N4BP2L2: variants seen among roughly 807,000 people sequenced by gnomAD.
N4BP2L2 encodes the protein NEDD4-binding protein 2-like 2.
A neutral mutation model predicts 56.2 loss-of-function variants in N4BP2L2; 50 were observed. The ratio of observed to expected loss-of-function variants is 0.89; its 90% CI spans 0.71 to 1.13. The LOEUF (loss-of-function observed/expected upper bound fraction) is 1.13, where lower values mean the gene tolerates loss of function less well. Among genes scored for constraint, N4BP2L2 ranks in the 50% most tolerant of loss-of-function variants. The pLI is 0.00. For missense variants in N4BP2L2, 689 were observed against 693.8 expected (o/e 0.99, Z 0.08); for synonymous variants, 203 against 223.6 (o/e 0.91, Z 0.82).
intron 7 of N4BP2L2, among the ~76,000 whole-genome samples, chr13:32,441,690 C>CATAAATAAATAA (rs199951664): frequency 5.8e-5 from 8 of 137,632 alleles, no homozygotes; most frequent in South Asian, 2.3e-4. Context: ...CTCTCAAAAA[C>CATAAATAAATAA]ATAAATAAAT....
At chr13:32,476,953 C>A (rs771405318) in intron 6 of N4BP2L2, among the ~76,000 whole-genome samples, 1 of 152,166 alleles carries the variant, frequency 6.6e-6, no homozygotes, top group Non-Finnish European at 1.5e-5. Flanking sequence ...GTTACTACTA[C>A]TGATAACTGA....
chr13:32,470,370 C>T (rs1237791854), intron 6 of N4BP2L2, among the ~76,000 whole-genome samples: 1 of 152,142 alleles, frequency 6.6e-6, no homozygotes, highest in Non-Finnish European at 1.5e-5. Flanking sequence ...CCCCTCTTGC[C>T]TGGGATTGGG....
chr13:32,477,403 T>C, intron 6 of N4BP2L2: 1 of 177,942 alleles, frequency 5.6e-6, no homozygotes, highest in Non-Finnish European at 1.2e-5. Flanking sequence ...CATTAATGTA[T>C]TGCAGCAAAT....
chr13:32,478,102 A>G, intron 6 of N4BP2L2: 2 of 1,253,976 alleles, frequency 1.6e-6, no homozygotes, highest in Non-Finnish European at 2.1e-6. Context: ...TGGAATGAAG[A>G]TATGCATTAT....
At chr13:32,478,146 T>C in intron 6 of N4BP2L2, 2 of 992,518 alleles carry the variant, frequency 2.0e-6, no homozygotes. Flanking sequence ...GGCCAGAACA[T>C]TCAATCTCAA....
intron 4 of N4BP2L2, chr13:32,521,843 G>A (rs1051479079): frequency 6.8e-5 from 19 of 281,266 alleles, no homozygotes; most frequent in Non-Finnish European, 1.2e-4. Flanking sequence ...GGGCATGGGG[G>A]CAGGCACCTA....
At chr13:32,450,126 A>T (rs766206086) in intron 6 of N4BP2L2, among the ~76,000 whole-genome samples, 18 of 152,352 alleles carry the variant, frequency 1.2e-4, no homozygotes, top group East Asian at 3.9e-4. Context: ...TAATATCTAT[A>T]GAAATTAACT....
chr13:32,440,718 C>A (rs1279465728), intron 7 of N4BP2L2, among the ~76,000 whole-genome samples: 2 of 152,076 alleles, frequency 1.3e-5, no homozygotes, highest in East Asian at 3.9e-4. Context: ...CTGCCTCAGC[C>A]TCCCAAAGTG....
intron 6 of N4BP2L2, among the ~76,000 whole-genome samples, chr13:32,447,115 T>A (rs745635015): frequency 6.6e-6 from 1 of 152,244 alleles, no homozygotes; most frequent in Non-Finnish European, 1.5e-5. Context: ...AAACAGAAGA[T>A]ACTCAGCTGG....
intron 6 of N4BP2L2, among the ~76,000 whole-genome samples, chr13:32,467,767 A>C (rs1467179173): frequency 1.3e-5 from 2 of 151,388 alleles, no homozygotes; most frequent in East Asian, 4.0e-4. Context: ...GGCTGGTGGA[A>C]TCACCTGAGG....
intron 1 of N4BP2L2, among the ~76,000 whole-genome samples, 190 bp downstream of exon 1, chr13:32,538,428 C>T (rs1304015480): frequency 2.6e-5 from 4 of 152,312 alleles, no homozygotes; most frequent in African/African-American, 9.6e-5. Context: ...AAAAGTGCGT[C>T]ACCCAGCTTT....
intron 6 of N4BP2L2, among the ~76,000 whole-genome samples, chr13:32,483,318 C>A (rs912271421): frequency 1.3e-5 from 2 of 152,166 alleles, no homozygotes; most frequent in Non-Finnish European, 2.9e-5. Context: ...CAGAGAAGGG[C>A]CATTTCACTT....
At chr13:32,443,995 A>C (rs1176892935) in exon 7 of N4BP2L2, 1 of 1,608,272 alleles carries the variant, frequency 6.2e-7, no homozygotes, top group East Asian at 2.2e-5. Flanking sequence ...TCCCGGTGTA[A>C]GATCACTTAA....
At chr13:32,446,650 T>A in intron 6 of N4BP2L2, 1 of 483,254 alleles carries the variant, frequency 2.1e-6, no homozygotes, top group Non-Finnish European at 2.7e-6. Flanking sequence ...CTCTCTACTG[T>A]ACAAAGAAAG....
At chr13:32,496,371 C>CAGAGAGAAAT (rs1216908597) in intron 6 of N4BP2L2, among the ~76,000 whole-genome samples, 4 of 152,110 alleles carry the variant, frequency 2.6e-5, no homozygotes, top group Non-Finnish European at 5.9e-5. Flanking sequence ...AGACCACCGC[C>CAGAGAGAAAT]TTACAATTTC....
chr13:32,455,797 T>C (rs1048111996), intron 6 of N4BP2L2, among the ~76,000 whole-genome samples: 2 of 152,092 alleles, frequency 1.3e-5, no homozygotes, highest in African/African-American at 4.8e-5. Context: ...CGCACTCCTC[T>C]TCAGAGTCTG....
At chr13:32,458,170 T>C (rs892871420) in intron 6 of N4BP2L2, among the ~76,000 whole-genome samples, 1 of 152,200 alleles carries the variant, frequency 6.6e-6, no homozygotes, top group African/African-American at 2.4e-5. Context: ...GTTCATGCCA[T>C]TCTCCTGCCT....
exon 7 of N4BP2L2, chr13:32,443,415 A>G: frequency 6.2e-7 from 1 of 1,614,036 alleles, no homozygotes. Flanking sequence ...CCAGCTGTAA[A>G]TCTTCATCAG....
exon 2 of N4BP2L2, chr13:32,535,866 C>A (rs2056424065): frequency 6.2e-7 from 1 of 1,614,146 alleles, no homozygotes; most frequent in South Asian, 1.1e-5. Context: ...TGCTGGTTCA[C>A]AAACCTGTCT....
Sources: allele counts gnomAD v4.1 joint callset (sites outside exome capture counted in the v4.1 genomes callset), GRCh38; gene constraint gnomAD v4.1.1; transcripts MANE v1.5; gene names NCBI Gene and HGNC (gene_info 2026-07-23, HGNC 2026-07-21).